The following TRPM6 variants were observed in gnomAD, a reference collection of about 807,000 sequenced individuals.
TRPM6 encodes channel kinase 2.
A neutral mutation model predicts 247.6 loss-of-function variants in TRPM6; 111 were observed. The ratio of observed to expected loss-of-function variants is 0.45; its 90% CI spans 0.38 to 0.52. The LOEUF (loss-of-function observed/expected upper bound fraction) is 0.52, where lower values mean the gene tolerates loss of function less well. Ranked by LOEUF, TRPM6 falls within the 20% of genes least tolerant of loss-of-function variation. The pLI, the probability that TRPM6 is intolerant of heterozygous loss-of-function variation, is 0.00. For synonymous variants in TRPM6, 892 were observed against 853.8 expected, an observed-to-expected ratio of 1.04 and a Z score of -0.78; for missense variants, 2,126 against 2,421.5, an observed-to-expected ratio of 0.88 and a Z score of 2.56.
intron 20 of TRPM6, among the ~76,000 whole-genome samples, chr9:74,786,605 T>C (rs13301646): frequency 0.22 from 32,897 of 151,868 alleles, 3,799 homozygotes; most frequent in Middle Eastern, 0.29. Context: ...CCGGGCGTGG[T>C]TGCGGGTGCC....
intron 1 of TRPM6, among the ~76,000 whole-genome samples, chr9:74,863,733 C>A (rs1280725263): frequency 6.6e-6 from 1 of 152,152 alleles, no homozygotes; most frequent in East Asian, 1.9e-4. Flanking sequence ...CAGGCATGCA[C>A]CACCTACGCC....
intron 29 of TRPM6, among the ~76,000 whole-genome samples, chr9:74,751,133 T>C (rs1826229600): frequency 6.6e-6 from 1 of 152,234 alleles, no homozygotes; most frequent in Non-Finnish European, 1.5e-5. Context: ...TGTTATGTCT[T>C]ATGAAAAGAT....
At chr9:74,776,974 C>A (rs1192290482) in intron 23 of TRPM6, among the ~76,000 whole-genome samples, 1 of 152,108 alleles carries the variant, frequency 6.6e-6, no homozygotes, top group East Asian at 1.9e-4. Context: ...ATAACTTGAA[C>A]AGTGATAAAG....
chr9:74,809,051 G>A (rs1336981745), intron 13 of TRPM6, among the ~76,000 whole-genome samples: 2 of 152,172 alleles, frequency 1.3e-5, no homozygotes, highest in East Asian at 3.8e-4. Flanking sequence ...TCTACCCAGA[G>A]TTTAGCATAT....
rs549594058 is a variant in TRPM6, at chr9:74,723,183, C to A, written c.*1430G>T. The A allele has an allele frequency of 6.6e-6, 1 of 152,130 alleles. No homozygotes were observed. The highest frequency in any genetic ancestry group is 1.9e-4 in the East Asian group (1 of 5,188). 9.4% of individuals were successfully genotyped at this position (152,130 alleles called of 1,614,324 possible). A position where few individuals can be genotyped will look rare whatever the true frequency, so the allele number is the denominator to read the frequency against. ...CAGTGTGGCTGCCAGGAGTGCTTCA[C>A]CTTAGGCCTCACAAACCAATGACAT... On this transcript the variant is annotated 3_prime_UTR_variant, in exon 39 of 39. Transcript: ENST00000360774.
At chr9:74,829,696 C>A (rs1829478670) in intron 6 of TRPM6, among the ~76,000 whole-genome samples, 2 of 151,700 alleles carry the variant, frequency 1.3e-5, no homozygotes, top group Non-Finnish European at 2.9e-5. Context: ...GGCAAGAAAC[C>A]AAAAGGAAAA....
Position 74,762,907 on chromosome 9 carries a change from T to A in TRPM6, c.3764A>T (p.Asn1255Ile), listed in dbSNP as rs35378712. The A allele has an allele frequency of 6.2e-7, 1 of 1,607,956 alleles. No individual in the cohort carries two copies. Among genetic ancestry groups the A allele is most frequent in the Non-Finnish European group, 8.5e-7 (1 of 1,175,898 alleles). ...GCCTAGAACCTCTGCACAGATGACA[T>A]TGCTCCAGCTGTGGGGAAGTTTTTT... is the stretch of plus-strand genomic sequence containing the variant. ...TCKKLPHSWSNVICAEVLGSM... is the reference protein window; with the variant it reads ...TCKKLPHSWSIVICAEVLGSM... Residue 1255 changes from asparagine (N) to isoleucine (I), a missense_variant, in exon 26 of 39, where the codon AAT becomes ATT. Transcript: ENST00000360774.
Position 74,834,068 on chromosome 9 carries a change from C to T in TRPM6, c.599G>A (p.Arg200Lys). The change falls in exon 6 of 39, where the codon AGA becomes AAA. Residue 200 changes from arginine to lysine, a missense_variant. This residue lies in a region of TRPM6 where 1,082 missense variants were observed against 1,307.9 expected (regional missense o/e 0.83). Coordinates refer to ENST00000360774, the MANE Select transcript of TRPM6 (RefSeq NM_017662.5). Reference sequence around the variant, plus strand: ...AGGGATTCCAACTGTCCAGATTTTTCTCAAGGAATGAGAGGAATGGGATTT... The same window carrying T: ...AGGGATTCCAACTGTCCAGATTTTTTTCAAGGAATGAGAGGAATGGGATTT... ...ALKSHSSHSL[R>K]KIWTVGIPPW... 1 of 1,614,096 alleles carries T rather than the reference C, an allele frequency of 6.2e-7. No homozygotes were observed. The highest frequency in any genetic ancestry group is 8.5e-7 in the Non-Finnish European group (1 of 1,179,992).
chr9:74,879,900 T>G (rs1311521790), intron 1 of TRPM6, among the ~76,000 whole-genome samples: 5 of 152,196 alleles, frequency 3.3e-5, no homozygotes, highest in African/African-American at 1.2e-4. Context: ...GAACCCCAAC[T>G]TGAAGCCAGT....
intron 1 of TRPM6, among the ~76,000 whole-genome samples, chr9:74,870,144 G>A (rs1163773269): frequency 2.0e-5 from 3 of 152,054 alleles, no homozygotes; most frequent in Non-Finnish European, 2.9e-5. Flanking sequence ...GGATCACAAA[G>A]CATATGAAAT....
chr9:74,873,360 A>G (rs1040347751), intron 1 of TRPM6, among the ~76,000 whole-genome samples: 3 of 152,196 alleles, frequency 2.0e-5, no homozygotes, highest in African/African-American at 7.2e-5. Flanking sequence ...ACTGTACTCT[A>G]TGTCTCCAAA....
At position 74,761,696 on chromosome 9, in the gene TRPM6, T is replaced by C; in HGVS notation, c.4785A>G (p.Pro1595=). Residue 1595 remains proline (P), a splice_region_variant and synonymous_variant, in exon 27 of 39, where the codon CCA becomes CCG. Coordinates refer to ENST00000360774, the MANE Select transcript of TRPM6 (RefSeq NM_017662.5). The stretch of plus-strand genomic sequence containing the variant: ...AAAGACAGAATAACAGTACACTTAC[T>C]GGCACCTGGAGTCCTTGAGTATTCT... ...KKKNTQGLQV[P]IITVNACSQS... is the part of the protein sequence containing the mutation. 5 of 1,585,980 alleles carry C rather than the reference T, an allele frequency of 3.2e-6. No individual in the cohort carries two copies. Among genetic ancestry groups the C allele is most frequent in the South Asian group, 1.1e-5 (1 of 90,358 alleles).
rs1825725791 is a variant in TRPM6, at chr9:74,737,289, T to C, written c.5776+1118A>G. ...TTAAAAAATGCACTTATATGTAGTT[T>C]AAAAATTTGTGTCACATCCTTGAGC... On this transcript the variant is annotated intron_variant, in intron 36 of 38. Coordinates refer to ENST00000360774, the MANE Select transcript of TRPM6 (RefSeq NM_017662.5). The C allele has an allele frequency of 5.6e-6, 6 of 1,076,486 alleles. No individual in the cohort carries two copies. The Middle Eastern group carries it at 1.4e-3, about 260-fold the overall frequency. 66.7% of individuals were successfully genotyped at this position (1,076,486 alleles called of 1,614,324 possible). A position where few individuals can be genotyped will look rare whatever the true frequency, so the allele number is the denominator to read the frequency against.
intron 7 of TRPM6, among the ~76,000 whole-genome samples, chr9:74,825,280 C>T (rs1387102504): frequency 6.6e-6 from 1 of 151,870 alleles, no homozygotes; most frequent in Non-Finnish European, 1.5e-5. Flanking sequence ...ACAAAAAAGT[C>T]AAATAAATCA....
intron 1 of TRPM6, chr9:74,887,518 A>T: frequency 8.7e-7 from 1 of 1,153,156 alleles, no homozygotes; most frequent in Non-Finnish European, 1.2e-6. Flanking sequence ...CACCGCCCCG[A>T]GCTGAACCCC....
intron 34 of TRPM6, 128 bp from the exon 35 acceptor site, chr9:74,739,577 G>A: frequency 6.6e-7 from 1 of 1,505,236 alleles, no homozygotes; most frequent in Non-Finnish European, 9.2e-7. Flanking sequence ...TGCCCCAAAA[G>A]CAAAAGTCCT....
At chr9:74,786,870 A>G (rs1263455999) in intron 20 of TRPM6, among the ~76,000 whole-genome samples, 4 of 152,142 alleles carry the variant, frequency 2.6e-5, no homozygotes, top group Non-Finnish European at 4.4e-5. Flanking sequence ...CAGTCCGACT[A>G]CTGCTATTTA....
intron 5 of TRPM6, among the ~76,000 whole-genome samples, chr9:74,838,623 G>C (rs902616102): frequency 3.3e-5 from 5 of 152,200 alleles, no homozygotes; most frequent in African/African-American, 1.2e-4. Context: ...CCAACATTCT[G>C]CAAGTGCTAC....
At chr9:74,887,758 G>C (rs951361618) in intron 1 of TRPM6, 66 bp downstream of exon 1, 3 of 1,613,392 alleles carry the variant, frequency 1.9e-6, no homozygotes, top group African/African-American at 2.7e-5. Flanking sequence ...ATCTAAGGCC[G>C]GGGGCGCAGA....
Sources: allele counts gnomAD v4.1 joint callset (sites outside exome capture counted in the v4.1 genomes callset), GRCh38; gene constraint gnomAD v4.1.1; regional missense constraint gnomAD v4.1.1; transcripts MANE v1.5; gene names NCBI Gene and HGNC (gene_info 2026-07-23, HGNC 2026-07-21).